The following TTC8 variants were observed in gnomAD, a reference collection of about 807,000 sequenced individuals.
TTC8 encodes tetratricopeptide repeat protein 8.
A neutral mutation model predicts 72.5 loss-of-function variants in TTC8; 47 were observed. The ratio of observed to expected loss-of-function variants is 0.65; its 90% CI spans 0.51 to 0.83. The LOEUF is 0.83. Ranked by LOEUF, TTC8 falls within the 40% of genes least tolerant of loss-of-function variation. TTC8 has a pLI of 0.00. For synonymous variants in TTC8, 199 were observed against 221.4 expected (o/e 0.90, Z 0.90); for missense variants, 611 against 623.2 (o/e 0.98, Z 0.21).
chr14:88,829,412 G>T (rs928565214), intron 1 of TTC8, among the ~76,000 whole-genome samples: 1 of 152,202 alleles, frequency 6.6e-6, no homozygotes, highest in Non-Finnish European at 1.5e-5. Flanking sequence ...ATCCTGATCA[G>T]TTGCTTAATC....
At chr14:88,824,627 A>G (rs1595919256), upstream of TTC8, 1 of 1,192,960 alleles carries the variant, frequency 8.4e-7, no homozygotes, top group Non-Finnish European at 1.2e-6. Context: ...GTTGCCGGGC[A>G]GAGTCGGACG....
rs1451483753 is a variant in TTC8 at position 88,824,908 on chromosome 14, G to A, written c.114+87G>A. ...ATCCCAGCCCCGGGTTGGGAGGCCGGGGAGGAAGGCCCGAGGCGGGGCTGA... is the reference window on the plus strand; with the variant it reads ...ATCCCAGCCCCGGGTTGGGAGGCCGAGGAGGAAGGCCCGAGGCGGGGCTGA... On this transcript the variant is annotated intron_variant, in intron 1 of 14. Transcript: ENST00000380656. 5.4e-6 allele frequency: 7 copies of A among 1,303,360 alleles called. No individual in the cohort carries two copies. The African/African-American group carries it at 1.0e-4, about 19-fold the overall frequency. The allele number at this position is 1,303,360 out of a possible 1,614,324, so 80.7% of individuals were successfully genotyped here.
At chr14:88,879,222 G>T (rs1161159307), downstream of TTC8, 1 of 152,190 alleles carries the variant, frequency 6.6e-6, no homozygotes, top group Non-Finnish European at 1.5e-5. Context: ...TAGCACCGTG[G>T]ATGACTGTAT....
At chr14:88,860,057 CTTAATTG>C (rs1359540796) in intron 9 of TTC8, among the ~76,000 whole-genome samples, 1 of 147,918 alleles carries the variant, frequency 6.8e-6, no homozygotes, top group African/African-American at 2.5e-5. Flanking sequence ...TTTTAAAGTT[CTTAATTG>C]TTAATTTAAA....
At chr14:88,826,831 A>G (rs1361051384) in intron 1 of TTC8, among the ~76,000 whole-genome samples, 1 of 152,350 alleles carries the variant, frequency 6.6e-6, no homozygotes, top group South Asian at 2.1e-4. Flanking sequence ...TCCACGAAAC[A>G]GTAGTCCCAA....
At position 88,837,949 on chromosome 14, in the gene TTC8, A is replaced by C. The variant is rs187382790; in HGVS notation, c.145-1503A>C. ...ATATTCTACTCATCTAATTGTGTTA[A>C]ATTCATACATAACATTCAAAACAGT... is the stretch of plus-strand genomic sequence containing the variant. On this transcript the variant is annotated intron_variant, in intron 2 of 14. Coordinates refer to ENST00000380656, the MANE Select transcript of TTC8 (RefSeq NM_144596.4). 8.7e-3 allele frequency among the ~76,000 whole-genome samples: 1,317 copies of C among 152,194 alleles called. 9 individuals are homozygous for C. Among genetic ancestry groups the C allele is most frequent in the Non-Finnish European group, 0.015 (1,019 of 67,998 alleles).
At chr14:88,854,983 T>C (rs936952410) in intron 8 of TTC8, among the ~76,000 whole-genome samples, 1 of 152,238 alleles carries the variant, frequency 6.6e-6, no homozygotes, top group African/African-American at 2.4e-5. Context: ...CATTGAATCC[T>C]GCCATACTCC....
At chr14:88,859,830 CAT>C (rs1485135466) in intron 9 of TTC8, among the ~76,000 whole-genome samples, 4 of 78,382 alleles carry the variant, frequency 5.1e-5, no homozygotes, top group Non-Finnish European at 6.0e-5. Flanking sequence ...TAATTATAAA[CAT>C]ATAAAAATAA....
chr14:88,837,789 T>C (rs1209170873), intron 2 of TTC8, among the ~76,000 whole-genome samples: 1 of 152,228 alleles, frequency 6.6e-6, no homozygotes, highest in Non-Finnish European at 1.5e-5. Flanking sequence ...AGATATGGTA[T>C]TGTTCCTGAT....
intron 3 of TTC8, 67 bp downstream of exon 3, chr14:88,839,639 G>A: frequency 6.5e-7 from 1 of 1,529,770 alleles, no homozygotes; most frequent in Non-Finnish European, 9.0e-7. Context: ...TGTATAAGAG[G>A]AATATATATG....
rs2094926609 is a variant in TTC8 at position 88,869,916 on chromosome 14, TC to T, written c.910-139del. ...ACTTTCTCTTTTTGTTCATATTGTATCCCCAGGGTCTAGAATGGAGTCTGGC... is the reference window on the plus strand; with the variant it reads ...ACTTTCTCTTTTTGTTCATATTGTATCCCAGGGTCTAGAATGGAGTCTGGC... On this transcript the variant is annotated intron_variant, in intron 10 of 14. Coordinates refer to ENST00000380656, the MANE Select transcript of TTC8 (RefSeq NM_144596.4). 1.9e-5 allele frequency: 15 copies of T among 792,866 alleles called. No individual in the cohort carries two copies. In the East Asian group the frequency reaches 3.7e-4, roughly 20 times the overall value. 49.1% of individuals were successfully genotyped at this position (792,866 alleles called of 1,614,324 possible).
chr14:88,858,609 T>TC (rs2094868351), intron 9 of TTC8, among the ~76,000 whole-genome samples: 1 of 152,018 alleles, frequency 6.6e-6, no homozygotes, highest in Non-Finnish European at 1.5e-5. Context: ...TTTTTTTTTT[T>TC]CTGAGTAGGG....
chr14:88,871,646 T>C lies in TTC8; in HGVS notation c.1147T>C (p.Phe383Leu), dbSNP rs2094934479. 2.5e-6 allele frequency: 4 copies of C among 1,614,126 alleles called. No homozygotes were observed. Among genetic ancestry groups the C allele is most frequent in the Non-Finnish European group, 3.4e-6 (4 of 1,180,004 alleles). The change falls in exon 12 of 15, where the codon TTT becomes CTT. Residue 383 changes from phenylalanine (F) to leucine (L), a missense_variant. Coordinates refer to ENST00000380656, the MANE Select transcript of TTC8 (RefSeq NM_144596.4). This position sits in a 1 kb window ranked among gnomAD's most constrained non-coding sequence, Gnocchi z 4.1. ...GCAGTATGATATGACTCTGACCTCA[T>C]TTGAACGTGCCCTTTCTTTGGCTGA... ...AQQYDMTLTS[F>L]ERALSLAENE...
chr14:88,854,397 A>G (rs948337557), intron 8 of TTC8, among the ~76,000 whole-genome samples: 1 of 152,212 alleles, frequency 6.6e-6, no homozygotes, highest in Admixed American at 6.5e-5. Context: ...TCACTCAGTA[A>G]AATATTTAAT....
intron 1 of TTC8, chr14:88,830,867 C>T (rs1244258152): frequency 2.2e-6 from 1 of 455,928 alleles, no homozygotes; most frequent in Non-Finnish European, 4.4e-6. Context: ...TCCGACTCTT[C>T]CTTCATAGTC....
intron 6 of TTC8, 93 bp downstream of exon 6, chr14:88,841,607 A>T (rs2140978163): frequency 9.4e-7 from 1 of 1,066,314 alleles, no homozygotes; most frequent in Non-Finnish European, 1.5e-6. Flanking sequence ...TGTGAAGGAA[A>T]GGCCATGTCT....
intron 8 of TTC8, among the ~76,000 whole-genome samples, chr14:88,856,094 G>C (rs1487429702): frequency 6.6e-6 from 1 of 152,146 alleles, no homozygotes; most frequent in African/African-American, 2.4e-5. Flanking sequence ...GAAAGAAAAA[G>C]ATTTGCATGT....
At chr14:88,864,927 G>C (rs981607945) in intron 10 of TTC8, among the ~76,000 whole-genome samples, 1 of 152,088 alleles carries the variant, frequency 6.6e-6, no homozygotes, top group Non-Finnish European at 1.5e-5. Context: ...ATCATGCTTG[G>C]CCCTGGCTGG....
At position 88,870,218 on chromosome 14, in the gene TTC8, CT is replaced by C. The variant is rs1164528437; in HGVS notation, c.1049+22del. On this transcript the variant is annotated intron_variant, in intron 11 of 14. Transcript: ENST00000380656. Reference sequence around the variant, plus strand: ...TTACAGGTGCACTTCACATCCAATTCTTAGAACCACTTTCCTGTGAAATATT... The same window carrying C: ...TTACAGGTGCACTTCACATCCAATTCTAGAACCACTTTCCTGTGAAATATT... 1.2e-6 allele frequency: 2 copies of C among 1,612,278 alleles called. No homozygotes were observed. The highest frequency in any genetic ancestry group is 2.2e-5 in the South Asian group (2 of 91,038).
Sources: allele counts gnomAD v4.1 joint callset (sites outside exome capture counted in the v4.1 genomes callset), GRCh38; gene constraint gnomAD v4.1.1; non-coding constraint Gnocchi (gnomAD v3.1); transcripts MANE v1.5; gene names NCBI Gene and HGNC (gene_info 2026-07-23, HGNC 2026-07-21).